TYMS: variants seen among roughly 807,000 people sequenced by gnomAD.
The protein encoded by TYMS is thymidylate synthase.
Under a neutral mutation model 39.3 loss-of-function variants are expected in TYMS, and 21 were observed. That is an observed-to-expected ratio of 0.54 (90% CI 0.38 to 0.77). The LOEUF is 0.77. Among genes scored for constraint, TYMS ranks in the 30% least tolerant of loss-of-function variants. TYMS has a pLI of 0.00. For missense variants in TYMS, 273 were observed against 406.7 expected (o/e 0.67, Z 2.83); for synonymous variants, 171 against 162.2 (o/e 1.05, Z -0.41).
At chr18:672,716 C>T in intron 6 of TYMS, 144 bp from the exon 7 acceptor site, 2 of 872,038 alleles carry the variant, frequency 2.3e-6, no homozygotes, top group Non-Finnish European at 3.4e-6. Context: ...TGTTACATAA[C>T]CTACGGCAAG....
chr18:666,568 G>T (rs532315168), intron 3 of TYMS, among the ~76,000 whole-genome samples: 1 of 152,302 alleles, frequency 6.6e-6, no homozygotes, highest in East Asian at 1.9e-4. Flanking sequence ...TACTAGCTGG[G>T]CAGAGACCAG....
At chr18:671,145 G>A (rs1221271668) in intron 5 of TYMS, 2 of 613,314 alleles carry the variant, frequency 3.3e-6, no homozygotes, top group African/African-American at 1.9e-5. Context: ...GGTGGCTCAT[G>A]CCTGTAATCC....
At chr18:665,304 G>C (rs201198632) in intron 3 of TYMS, among the ~76,000 whole-genome samples, 1 of 142,494 alleles carries the variant, frequency 7.0e-6, no homozygotes, top group East Asian at 2.2e-4. Context: ...GTTTATTTGC[G>C]TAGAGGTGTT....
At chr18:672,628 C>T (rs1364229984) in intron 6 of TYMS, 7 of 357,720 alleles carry the variant, frequency 2.0e-5, no homozygotes, top group Non-Finnish European at 3.5e-5. Context: ...AGGCACCAGG[C>T]TCCTGATGCT....
chr18:671,682 C>G (rs1426721121), intron 6 of TYMS: 2 of 535,372 alleles, frequency 3.7e-6, no homozygotes, highest in Non-Finnish European at 6.5e-6. Flanking sequence ...GCACCAGTAC[C>G]AGAGAGGGAA....
At chr18:667,233 AGATGGAGATGGTGATGGT>A (rs2074859241) in intron 3 of TYMS, among the ~76,000 whole-genome samples, 1 of 13,030 alleles carries the variant, frequency 7.7e-5, no homozygotes. Context: ...ATGGTGATGG[AGATGGAGATGGTGATGGT>A]GATGGTGATG....
rs1360196663 is a variant in TYMS, at chr18:657,685, GGCCTGCCTCCGTCCCGCCGCGCCACTTC to G, written c.-42_-15del. 1,124 of 472,002 alleles carry G rather than the reference GGCCTGCCTCCGTCCCGCCGCGCCACTTC, an allele frequency of 2.4e-3. 3 individuals carry two copies. The highest frequency in any genetic ancestry group is 6.9e-3 in the East Asian group (160 of 23,080). The allele number at this position is 472,002 out of a possible 1,614,324, so 29.2% of individuals were successfully genotyped here. On this transcript the variant is annotated 5_prime_UTR_variant, in exon 1 of 7. Coordinates refer to ENST00000323274, the MANE Select transcript of TYMS (RefSeq NM_001071.4). ...CTGCCTCCGTCCCGCCGCGCCACTT[GGCCTGCCTCCGTCCCGCCGCGCCACTTC>G]GCCTGCCTCCGTCCCCCGCCCGCCG...
intron 4 of TYMS, among the ~76,000 whole-genome samples, chr18:670,045 ATTTTT>A (rs34118802): frequency 7.2e-6 from 1 of 138,534 alleles, no homozygotes; most frequent in African/African-American, 2.7e-5. Context: ...ATAGAGACTT[ATTTTT>A]TTTTTTTTTT....
rs201595751 is a variant in TYMS at position 667,029 on chromosome 18, TGATGGA to T, written c.455-2037_455-2032del. Among the ~76,000 whole-genome samples the T allele has an allele frequency of 1.3e-3, 15 of 11,300 alleles. 3 individuals carry two copies. The highest frequency in any genetic ancestry group is 4.3e-3 in the African/African-American group (8 of 1,850). 7.4% of individuals were successfully genotyped at this position (11,300 alleles called of 152,430 possible). On this transcript the variant is annotated intron_variant, in intron 3 of 6. Coordinates refer to ENST00000323274, the MANE Select transcript of TYMS (RefSeq NM_001071.4). ...GTGATGGTGATGGAGATGGAGATGGTGATGGAGATGGTGATGGTGATGGAGATGGAG... is the reference window on the plus strand; with the variant it reads ...GTGATGGTGATGGAGATGGAGATGGTGATGGTGATGGTGATGGAGATGGAG...
At chr18:671,005 C>CT (rs1198561166) in intron 5 of TYMS, 138 bp downstream of exon 5, 1 of 1,065,232 alleles carries the variant, frequency 9.4e-7, no homozygotes, top group East Asian at 2.6e-5. Context: ...AATGAACCAG[C>CT]TTTTACTTTG....
chr18:667,523 T>A (rs868756626), intron 3 of TYMS, among the ~76,000 whole-genome samples: 3 of 56,002 alleles, frequency 5.4e-5, no homozygotes, highest in African/African-American at 1.6e-4. Flanking sequence ...ATGGTGATGG[T>A]GATGGAGATG....
At chr18:666,335 C>A (rs2074815431) in intron 3 of TYMS, among the ~76,000 whole-genome samples, 1 of 152,034 alleles carries the variant, frequency 6.6e-6, no homozygotes, top group African/African-American at 2.4e-5. Flanking sequence ...GGCTGAGCCA[C>A]AGCGTGCTGT....
rs1396128683 is a variant in TYMS, at chr18:660,804, C to T, written c.279+1090C>T. On this transcript the variant is annotated intron_variant, in intron 2 of 6. Coordinates refer to ENST00000323274, the MANE Select transcript of TYMS (RefSeq NM_001071.4). The surrounding 1 kb of genome is among the most constrained non-coding windows in gnomAD (Gnocchi z 4.6). ...TTTTGGAAGGTGGCTGAGGTCTGGG[C>T]TCAGGTCTGGGCCATACTAGAAGCT... Among the ~76,000 whole-genome samples the T allele has an allele frequency of 6.6e-6, 1 of 152,136 alleles. No individual in the cohort carries two copies. The highest frequency in any genetic ancestry group is 1.5e-5 in the Non-Finnish European group (1 of 68,008).
At chr18:670,612 T>C in intron 4 of TYMS, 80 bp from the exon 5 acceptor site, 4 of 1,508,016 alleles carry the variant, frequency 2.7e-6, no homozygotes, top group South Asian at 1.2e-5. Context: ...TGGCTTCTGT[T>C]TCTCTCCTGT....
rs1163758472 is a variant in TYMS, at chr18:663,995, T to C, written c.454+1675T>C. 9.0e-5 allele frequency among the ~76,000 whole-genome samples: 9 copies of C among 99,492 alleles called. 3 individuals carry two copies. The highest frequency in any genetic ancestry group is 5.8e-4 in the African/African-American group (9 of 15,634). The allele number at this position is 99,492 out of a possible 152,430, so 65.3% of individuals were successfully genotyped here. A position where few individuals can be genotyped will look rare whatever the true frequency, so the allele number is the denominator to read the frequency against. On this transcript the variant is annotated intron_variant, in intron 3 of 6. Coordinates refer to ENST00000323274, the MANE Select transcript of TYMS (RefSeq NM_001071.4). ...TTTTGGCTTAGGATTGACTTGGCGA[T>C]GTGGGCTCTTTTTTGGTTCCATATG...
At chr18:665,389 T>C (rs1299610450) in intron 3 of TYMS, among the ~76,000 whole-genome samples, 135 of 151,752 alleles carry the variant, frequency 8.9e-4, no homozygotes, top group African/African-American at 3.1e-3. Context: ...TTTTATTGCG[T>C]CTATTTGATT....
rs1191801631 is a variant in TYMS at position 658,086 on chromosome 18, C to T, written c.205+139C>T. On this transcript the variant is annotated intron_variant, in intron 1 of 6. Coordinates refer to ENST00000323274, the MANE Select transcript of TYMS (RefSeq NM_001071.4). The surrounding 1 kb of genome is among the most constrained non-coding windows in gnomAD (Gnocchi z 4.5). ...TGCGAGGGAGGGGACGCATCGTCCT[C>T]CTCGCCTTACAGACGCCGAAACGGA... is the stretch of plus-strand genomic sequence containing the variant. 2 of 1,579,928 alleles carry T rather than the reference C, an allele frequency of 1.3e-6. No individual in the cohort carries two copies. Among genetic ancestry groups the T allele is most frequent in the Non-Finnish European group, 1.7e-6 (2 of 1,166,498 alleles).
At chr18:667,950 T>A (rs2853525) in intron 3 of TYMS, among the ~76,000 whole-genome samples, 6,828 of 148,528 alleles carry the variant, frequency 0.046, 523 homozygotes, top group African/African-American at 0.16. Flanking sequence ...TAGGAAAGTT[T>A]GTCCCTTTTT....
chr18:668,733 C>T (rs1350700369), intron 3 of TYMS, among the ~76,000 whole-genome samples: 2 of 152,082 alleles, frequency 1.3e-5, no homozygotes, highest in African/African-American at 2.4e-5. Context: ...CCTAAGTTTG[C>T]GAGGAGCACT....
Sources: allele counts gnomAD v4.1 joint callset (sites outside exome capture counted in the v4.1 genomes callset), GRCh38; gene constraint gnomAD v4.1.1; non-coding constraint Gnocchi (gnomAD v3.1); transcripts MANE v1.5; gene names NCBI Gene and HGNC (gene_info 2026-07-23, HGNC 2026-07-21).